The following VTI1B variants were observed in gnomAD, a reference collection of about 807,000 sequenced individuals.
VTI1B encodes the protein vesicle transport through interaction with t-SNAREs homolog 1B.
A neutral mutation model predicts 28.6 loss-of-function variants in VTI1B; 18 were observed. The observed-to-expected ratio is 0.63, with a 90% confidence interval of 0.43 to 0.93. The LOEUF (loss-of-function observed/expected upper bound fraction) is 0.93, where lower values mean the gene tolerates loss of function less well. VTI1B is among the 40% of genes least tolerant of loss of function. VTI1B has a pLI of 0.00. For synonymous variants in VTI1B, 100 were observed against 107.9 expected (o/e 0.93, Z 0.46); for missense variants, 283 against 297.0 (o/e 0.95, Z 0.35).
At position 67,647,776 on chromosome 14, in the gene VTI1B, C is replaced by T. The variant is rs947536540; in HGVS notation, c.*3609G>A. On this transcript the variant is annotated 3_prime_UTR_variant, in exon 6 of 6. Transcript: ENST00000554659. The stretch of plus-strand genomic sequence containing the variant: ...TATTAGTATAAGAGGTTCTAATACC[C>T]AGTGTAAGGCAGAAATATACATTGG... The T allele has an allele frequency of 1.0e-5, 4 of 395,834 alleles. No individual in the cohort carries two copies. Among genetic ancestry groups the T allele is most frequent in the Non-Finnish European group, 1.4e-5 (3 of 218,748 alleles). The allele number at this position is 395,834 out of a possible 1,614,324, so 24.5% of individuals were successfully genotyped here. A position where few individuals can be genotyped will look rare whatever the true frequency, so the allele number is the denominator to read the frequency against.
chr14:67,665,941 G>A (rs2037397317), intron 1 of VTI1B, among the ~76,000 whole-genome samples: 1 of 152,180 alleles, frequency 6.6e-6, no homozygotes, highest in South Asian at 2.1e-4. Flanking sequence ...CACCAAGGCA[G>A]CTATTACTGT....
chr14:67,671,618 CA>C (rs1473417073), intron 1 of VTI1B, among the ~76,000 whole-genome samples: 36 of 152,262 alleles, frequency 2.4e-4, no homozygotes, highest in Non-Finnish European at 4.7e-4. Flanking sequence ...GGGTAGACAA[CA>C]AAGGTGAATG....
At chr14:67,670,068 C>T (rs1025359540) in intron 1 of VTI1B, among the ~76,000 whole-genome samples, 2 of 152,206 alleles carry the variant, frequency 1.3e-5, no homozygotes, top group Admixed American at 6.5e-5. Flanking sequence ...GCACTCCAGC[C>T]TGGATGACGG....
At chr14:67,662,660 C>T (rs1254099665) in intron 1 of VTI1B, 125 bp from the exon 2 acceptor site, 3 of 852,128 alleles carry the variant, frequency 3.5e-6, no homozygotes, top group Admixed American at 3.2e-5. Context: ...AATCCCAGCA[C>T]TTTGGGAGGC....
chr14:67,652,658 G>T (rs2037199469), intron 5 of VTI1B: 1 of 152,120 alleles, frequency 6.6e-6, no homozygotes, highest in African/African-American at 2.4e-5. Context: ...CTCCACAAGG[G>T]TTTTATTTTT....
rs961889604 is a variant in VTI1B, at chr14:67,665,255, A to T, written c.116-2720T>A. On this transcript the variant is annotated intron_variant, in intron 1 of 5. Coordinates refer to ENST00000554659, the MANE Select transcript of VTI1B (RefSeq NM_006370.3). ...ATCACAACAGCATCTAATGTCAGTT[A>T]TATCTTTTTTTTTTTTTTTTTTTGA... Among the ~76,000 whole-genome samples, 5 of 130,838 alleles carry T rather than the reference A, an allele frequency of 3.8e-5. No homozygotes were observed. The Admixed American group carries it at 4.5e-4, about 12-fold the overall frequency. 85.8% of individuals were successfully genotyped at this position (130,838 alleles called of 152,430 possible).
intron 1 of VTI1B, among the ~76,000 whole-genome samples, chr14:67,672,449 T>TTTC (rs2037477723): frequency 8.9e-6 from 1 of 111,914 alleles, no homozygotes; most frequent in Non-Finnish European, 1.9e-5. Context: ...TTTCTTTTCT[T>TTTC]TTTTTTTTTT....
intron 1 of VTI1B, among the ~76,000 whole-genome samples, chr14:67,668,247 A>T (rs2037425467): frequency 6.6e-6 from 1 of 152,264 alleles, no homozygotes; most frequent in African/African-American, 2.4e-5. Flanking sequence ...AAGAAATTAT[A>T]GCACATTATA....
chr14:67,669,939 C>A (rs1053435775), intron 1 of VTI1B, among the ~76,000 whole-genome samples: 8 of 152,098 alleles, frequency 5.3e-5, no homozygotes, highest in African/African-American at 1.9e-4. Context: ...ACTAAAAATA[C>A]AAAAAATTAG....
intron 4 of VTI1B, among the ~76,000 whole-genome samples, chr14:67,654,368 C>T (rs1432449386): frequency 6.6e-6 from 1 of 152,130 alleles, no homozygotes; most frequent in Non-Finnish European, 1.5e-5. Flanking sequence ...GTTTCAAACT[C>T]CTAGGCTCAA....
At chr14:67,663,439 C>T (rs1801403589) in intron 1 of VTI1B, among the ~76,000 whole-genome samples, 1 of 151,906 alleles carries the variant, frequency 6.6e-6, no homozygotes. Context: ...TTTGGGAGGC[C>T]GAGGCGGGCG....
chr14:67,651,254 C>CA lies in VTI1B; in HGVS notation c.*130dup. ...GTTTTTCATCTTTCCTCCCTCCTCCCACAGCCTGGCTATACAGTGCATCCT... is the reference window on the plus strand; with the variant it reads ...GTTTTTCATCTTTCCTCCCTCCTCCCAACAGCCTGGCTATACAGTGCATCCT... On this transcript the variant is annotated 3_prime_UTR_variant, in exon 6 of 6. Coordinates refer to ENST00000554659, the MANE Select transcript of VTI1B (RefSeq NM_006370.3). The CA allele has an allele frequency of 6.5e-7, 1 of 1,537,918 alleles. No homozygotes were observed. Among genetic ancestry groups the CA allele is most frequent in the Non-Finnish European group, 8.7e-7 (1 of 1,145,608 alleles).
At chr14:67,657,624 C>A (rs12432548) in intron 3 of VTI1B, among the ~76,000 whole-genome samples, 31,073 of 143,040 alleles carry the variant, frequency 0.22, 3,623 homozygotes, top group East Asian at 0.45. Context: ...ACACACACAC[C>A]CAAAATCAAA....
rs963163963 is a variant in VTI1B, at chr14:67,651,271, G to A, written c.*114C>T. On this transcript the variant is annotated 3_prime_UTR_variant, in exon 6 of 6. Coordinates refer to ENST00000554659, the MANE Select transcript of VTI1B (RefSeq NM_006370.3). ...CCTCCTCCCACAGCCTGGCTATACA[G>A]TGCATCCTTGAACTGTCAGCCCACA... 6.3e-7 allele frequency: 1 copy of A among 1,586,410 alleles called. No homozygotes were observed. Among genetic ancestry groups the A allele is most frequent in the Non-Finnish European group, 8.6e-7 (1 of 1,166,962 alleles).
intron 1 of VTI1B, among the ~76,000 whole-genome samples, chr14:67,667,898 C>G (rs779927501): frequency 6.6e-6 from 1 of 151,998 alleles, no homozygotes; most frequent in South Asian, 2.1e-4. Context: ...GAGCCGAGAT[C>G]GCGCCACTGC....
chr14:67,648,266 T>C lies in VTI1B; in HGVS notation c.*3119A>G, dbSNP rs2037126922. On this transcript the variant is annotated 3_prime_UTR_variant, in exon 6 of 6. Coordinates refer to ENST00000554659, the MANE Select transcript of VTI1B (RefSeq NM_006370.3). ...CTTGCCTGCAAAGGATCTTTTCTGC[T>C]ATTCCACATCATTGCAGAGTTTGTT... 6.8e-7 allele frequency: 1 copy of C among 1,459,926 alleles called. No homozygotes were observed. Among genetic ancestry groups the C allele is most frequent in the Non-Finnish European group, 9.3e-7 (1 of 1,075,472 alleles). 90.4% of individuals were successfully genotyped at this position (1,459,926 alleles called of 1,614,324 possible). A position where few individuals can be genotyped will look rare whatever the true frequency, so the allele number is the denominator to read the frequency against.
At position 67,648,145 on chromosome 14, in the gene VTI1B, G is replaced by C; in HGVS notation, c.*3240C>G. On this transcript the variant is annotated 3_prime_UTR_variant, in exon 6 of 6. Coordinates refer to ENST00000554659, the MANE Select transcript of VTI1B (RefSeq NM_006370.3). ...CCTGTTGTCGGGGGACTAACCTATC[G>C]AGAAGGCATGTATATTGCTGAGGAA... The C allele has an allele frequency of 6.2e-7, 1 of 1,613,992 alleles. No homozygotes were observed. The highest frequency in any genetic ancestry group is 8.5e-7 in the Non-Finnish European group (1 of 1,179,904).
At chr14:67,673,169 C>T (rs2037490019) in intron 1 of VTI1B, among the ~76,000 whole-genome samples, 1 of 152,232 alleles carries the variant, frequency 6.6e-6, no homozygotes, top group Admixed American at 6.5e-5. Context: ...ATGGCAAAAC[C>T]CTGTCTCTAC....
At chr14:67,670,347 C>T (rs1395357416) in intron 1 of VTI1B, among the ~76,000 whole-genome samples, 91 of 152,226 alleles carry the variant, frequency 6.0e-4, no homozygotes, top group Non-Finnish European at 2.9e-4. Flanking sequence ...ACTACTTTCC[C>T]ACATACATTC....
Sources: allele counts gnomAD v4.1 joint callset (sites outside exome capture counted in the v4.1 genomes callset), GRCh38; gene constraint gnomAD v4.1.1; transcripts MANE v1.5; gene names NCBI Gene and HGNC (gene_info 2026-07-23, HGNC 2026-07-21).